DGKH: variants seen among roughly 807,000 people sequenced by gnomAD.
The protein encoded by DGKH is DAG kinase eta.
In DGKH, 90 loss-of-function variants were observed where a neutral mutation model predicts 159.3. The observed-to-expected ratio is 0.57, with a 90% confidence interval of 0.48 to 0.67. DGKH has a LOEUF of 0.67. Among genes scored for constraint, DGKH ranks in the 30% least tolerant of loss-of-function variants. The probability of loss-of-function intolerance (pLI) is 0.00; values close to 1 mark genes in which losing one functional copy is unlikely to be tolerated. For synonymous variants in DGKH, 536 were observed against 553.8 expected, an observed-to-expected ratio of 0.97 and a Z score of 0.45; for missense variants, 1,181 against 1,506.1, an observed-to-expected ratio of 0.78 and a Z score of 3.57.
At chr13:42,219,029 T>C (rs1281620985) in intron 26 of DGKH, among the ~76,000 whole-genome samples, 4 of 152,206 alleles carry the variant, frequency 2.6e-5, no homozygotes, top group Non-Finnish European at 4.4e-5. Context: ...TGGGAAGTAA[T>C]GATTAGATTA....
chr13:42,219,868 G>A (rs347382), intron 28 of DGKH, 74 bp downstream of exon 28: 1,123,282 of 1,340,764 alleles, frequency 0.84, 472,349 homozygotes, highest in East Asian at 0.92. Flanking sequence ...CATGGAGGTC[G>A]TGAAAATGTT....
intron 1 of DGKH, among the ~76,000 whole-genome samples, chr13:42,115,207 T>C (rs1954941945): frequency 6.6e-6 from 1 of 152,252 alleles, no homozygotes; most frequent in South Asian, 2.1e-4. Flanking sequence ...AATCGAATTG[T>C]CTTTTTCCAC....
chr13:42,143,484 C>T (rs2137897845), intron 3 of DGKH, among the ~76,000 whole-genome samples: 1 of 152,270 alleles, frequency 6.6e-6, no homozygotes, highest in South Asian at 2.1e-4. Context: ...GTACCAGCTC[C>T]TCCTTGTACC....
chr13:42,106,926 C>G (rs1033514712), intron 1 of DGKH, among the ~76,000 whole-genome samples: 2 of 152,080 alleles, frequency 1.3e-5, no homozygotes, highest in Non-Finnish European at 2.9e-5. Context: ...TGCCTGTAAT[C>G]ACAGCTACTC....
chr13:42,137,545 C>T (rs1292018491), intron 3 of DGKH, among the ~76,000 whole-genome samples: 1 of 152,176 alleles, frequency 6.6e-6, no homozygotes, highest in Non-Finnish European at 1.5e-5. Flanking sequence ...TGCTATGCTG[C>T]GTCTTTATTG....
rs773161841 is a variant in DGKH at position 42,198,626 on chromosome 13, T to A, written c.2285+31T>A. ...AAAATGCTTTTGCAAATATTTTGTT[T>A]GGGTTTTTCTTGTTTTTTTTTTTTT... On this transcript the variant is annotated intron_variant, in intron 18 of 29. Transcript: ENST00000337343. 8 of 1,544,162 alleles carry A rather than the reference T, an allele frequency of 5.2e-6. No homozygotes were observed. In the South Asian group the frequency reaches 9.5e-5, roughly 18 times the overall value.
chr13:42,251,286 G>A (rs1958618588), intron 29 of DGKH, among the ~76,000 whole-genome samples: 2 of 152,032 alleles, frequency 1.3e-5, no homozygotes, highest in Admixed American at 1.3e-4. Flanking sequence ...GACCAGCGTG[G>A]GCAACATGGC....
intron 1 of DGKH, among the ~76,000 whole-genome samples, chr13:42,053,469 T>G (rs1881486286): frequency 6.8e-6 from 1 of 147,182 alleles, no homozygotes; most frequent in African/African-American, 2.5e-5. Flanking sequence ...TATATATAAC[T>G]ATATGTATAA....
intron 1 of DGKH, among the ~76,000 whole-genome samples, chr13:42,068,512 C>T (rs1337067376): frequency 2.0e-5 from 3 of 152,010 alleles, no homozygotes; most frequent in Admixed American, 6.5e-5. Flanking sequence ...GTGTGTTTTA[C>T]GAAATGTGTA....
chr13:42,106,257 C>T (rs537120593), intron 1 of DGKH, among the ~76,000 whole-genome samples: 1 of 152,312 alleles, frequency 6.6e-6, no homozygotes, highest in East Asian at 1.9e-4. Context: ...ATTCACCCAC[C>T]TTGGCCTCCC....
At position 42,221,854 on chromosome 13, in the gene DGKH, A is replaced by C. The variant is rs961685408; in HGVS notation, c.3573+460A>C. ...GAGACTTACAGCAATGGCTACTTAGAATCTTACAATTTGTTGTATTTCTAA... is the reference window on the plus strand; with the variant it reads ...GAGACTTACAGCAATGGCTACTTAGCATCTTACAATTTGTTGTATTTCTAA... On this transcript the variant is annotated intron_variant, in intron 29 of 29. Coordinates refer to ENST00000337343, the MANE Select transcript of DGKH (RefSeq NM_178009.5). Among the ~76,000 whole-genome samples, 8 of 152,330 alleles carry C rather than the reference A, an allele frequency of 5.3e-5. 1 individual carries two copies. The highest frequency in any genetic ancestry group is 2.1e-4 in the South Asian group (1 of 4,822).
intron 13 of DGKH, among the ~76,000 whole-genome samples, chr13:42,184,273 TTCTG>T (rs1956851237): frequency 6.6e-6 from 1 of 152,196 alleles, no homozygotes; most frequent in Non-Finnish European, 1.5e-5. Context: ...CAATCTATGA[TTCTG>T]TCTGGGTACC....
upstream of DGKH, among the ~76,000 whole-genome samples, chr13:42,044,760 G>A (rs1241257192): frequency 1.3e-5 from 2 of 152,214 alleles, no homozygotes. Flanking sequence ...CTAAGTTTCT[G>A]TGTATTTTCT....
chr13:42,040,806 C>T (rs1880446684), intron 1 of DGKH, among the ~76,000 whole-genome samples: 2 of 145,942 alleles, frequency 1.4e-5, no homozygotes, highest in Admixed American at 6.8e-5. Context: ...GAAGCGCATC[C>T]AGGAGCCCCG....
At chr13:42,070,520 A>C (rs1487121656) in intron 1 of DGKH, 1 of 1,358,604 alleles carries the variant, frequency 7.4e-7, no homozygotes, top group Non-Finnish European at 1.1e-6. Context: ...TTTAGTAACC[A>C]ATCCTTCAAA....
chr13:42,219,092 TC>T, intron 26 of DGKH, 137 bp from the exon 27 acceptor site: 1 of 1,090,728 alleles, frequency 9.2e-7, no homozygotes, highest in East Asian at 2.5e-5. Context: ...TTTATTCTTC[TC>T]TTAATATTCC....
At chr13:42,124,973 G>A (rs565214040) in intron 1 of DGKH, among the ~76,000 whole-genome samples, 14 of 152,036 alleles carry the variant, frequency 9.2e-5, no homozygotes, top group Non-Finnish European at 1.9e-4. Flanking sequence ...TGTGGACTCC[G>A]ACAGCTATAA....
Position 42,074,067 on chromosome 13 carries a change from T to A in DGKH, c.192+25102T>A, listed in dbSNP as rs556673282. ...TGAACTAGAAAATTTACTGAGTTGT[T>A]TATACTCTTATTATGATCAAATAAG... On this transcript the variant is annotated intron_variant, in intron 1 of 29. Coordinates refer to ENST00000337343, the MANE Select transcript of DGKH (RefSeq NM_178009.5). Among the ~76,000 whole-genome samples, 144 of 152,332 alleles carry A rather than the reference T, an allele frequency of 9.5e-4. 1 individual carries two copies. The highest frequency in any genetic ancestry group is 1.7e-3 in the Non-Finnish European group (117 of 68,024).
intron 1 of DGKH, chr13:42,071,091 C>T (rs112741974): frequency 3.8e-6 from 4 of 1,051,346 alleles, no homozygotes; most frequent in Non-Finnish European, 5.5e-6. Flanking sequence ...ATTTCTCTGC[C>T]ACTTTGAAAC....
Sources: allele counts gnomAD v4.1 joint callset (sites outside exome capture counted in the v4.1 genomes callset), GRCh38; gene constraint gnomAD v4.1.1; transcripts MANE v1.5; gene names NCBI Gene and HGNC (gene_info 2026-07-23, HGNC 2026-07-21).